Variants in RBFOX1 observed in about 807,000 individuals in gnomAD.
RBFOX1 encodes the protein RNA binding protein fox-1 homolog 1.
A neutral mutation model predicts 57.7 loss-of-function variants in RBFOX1; 8 were observed. The ratio of observed to expected loss-of-function variants is 0.14; its 90% CI spans 0.08 to 0.25. The LOEUF (loss-of-function observed/expected upper bound fraction) is 0.25. RBFOX1 is among the 10% of genes least tolerant of loss of function. The probability of loss-of-function intolerance (pLI) is 1.00; values close to 1 mark genes in which losing one functional copy is unlikely to be tolerated. For missense variants in RBFOX1, 611 were observed against 548.5 expected (o/e 1.11, Z -1.14); for synonymous variants, 326 against 222.4 (o/e 1.47, Z -4.15).
At chr16:7,255,121 C>G (rs947400711) in intron 4 of RBFOX1, among the ~76,000 whole-genome samples, 2 of 151,978 alleles carry the variant, frequency 1.3e-5, no homozygotes, top group Admixed American at 1.3e-4. Flanking sequence ...CAAAAATAAC[C>G]CCATCTCCGA....
Position 7,029,077 on chromosome 16 carries a change from TATATACACACACAC to T in RBFOX1, c.-15-22978_-15-22965del, listed in dbSNP as rs1325097232. 2.0e-3 allele frequency among the ~76,000 whole-genome samples: 89 copies of T among 44,558 alleles called. 11 individuals carry two copies. The African/African-American group carries it at 0.022, about 11-fold the overall frequency. 29.2% of individuals were successfully genotyped at this position (44,558 alleles called of 152,430 possible). On this transcript the variant is annotated intron_variant, in intron 3 of 15. Coordinates refer to ENST00000550418, the MANE Select transcript of RBFOX1 (RefSeq NM_018723.4). ...ATATATATATATATATATATATATA[TATATACACACACAC>T]ACACACACACACACACACACACACA...
intron 4 of RBFOX1, among the ~76,000 whole-genome samples, chr16:7,361,184 A>G (rs1235036488): frequency 6.6e-6 from 1 of 152,020 alleles, no homozygotes; most frequent in Non-Finnish European, 1.5e-5. Context: ...CTGGGTATGA[A>G]CCTGCTCAGT....
chr16:6,199,107 T>C (rs2097199093), intron 1 of RBFOX1, among the ~76,000 whole-genome samples: 1 of 152,150 alleles, frequency 6.6e-6, no homozygotes, highest in Non-Finnish European at 1.5e-5. Context: ...TTCCATTTTC[T>C]TATTGAAAAA....
chr16:7,349,953 C>G (rs1173384535), intron 4 of RBFOX1, among the ~76,000 whole-genome samples: 1 of 152,108 alleles, frequency 6.6e-6, no homozygotes, highest in African/African-American at 2.4e-5. Context: ...TCGAGACCAG[C>G]CTGGGCAACA....
chr16:6,942,137 G>T (rs562593497), intron 3 of RBFOX1, among the ~76,000 whole-genome samples: 10 of 152,148 alleles, frequency 6.6e-5, no homozygotes, highest in Non-Finnish European at 1.3e-4. Flanking sequence ...TACTTGGGAG[G>T]CTGAGGCAGG....
At chr16:6,289,563 C>T (rs1193774223) in intron 1 of RBFOX1, among the ~76,000 whole-genome samples, 1 of 152,104 alleles carries the variant, frequency 6.6e-6, no homozygotes, top group Non-Finnish European at 1.5e-5. Flanking sequence ...GAAGACTGTT[C>T]TCTTATGCCC....
chr16:5,489,024 A>C (rs759378542), intron 2 of RBFOX1, among the ~76,000 whole-genome samples: 20 of 152,214 alleles, frequency 1.3e-4, no homozygotes, highest in Non-Finnish European at 2.5e-4. Flanking sequence ...CTGCATTTTC[A>C]TACATAAGAA....
At chr16:6,967,142 C>T (rs2084435962) in intron 3 of RBFOX1, among the ~76,000 whole-genome samples, 1 of 152,062 alleles carries the variant, frequency 6.6e-6, no homozygotes, top group Admixed American at 6.6e-5. Flanking sequence ...AAACATTCAT[C>T]CATTCATCAT....
At chr16:5,256,603 G>A (rs1174763232) in intron 1 of RBFOX1, among the ~76,000 whole-genome samples, 1 of 152,104 alleles carries the variant, frequency 6.6e-6, no homozygotes, top group African/African-American at 2.4e-5. Flanking sequence ...TTCCTAATCT[G>A]TGAAATCATA....
At chr16:5,998,576 C>A (rs564718279) in intron 4 of RBFOX1, among the ~76,000 whole-genome samples, 5 of 152,196 alleles carry the variant, frequency 3.3e-5, no homozygotes, top group African/African-American at 9.6e-5. Flanking sequence ...TAAAATGGAT[C>A]AAAGCTGAGG....
chr16:7,531,512 C>G (rs758605423), intron 5 of RBFOX1, among the ~76,000 whole-genome samples: 1 of 152,140 alleles, frequency 6.6e-6, no homozygotes, highest in African/African-American at 2.4e-5. Context: ...GGTCACAAGG[C>G]TGATAAGGGC....
Position 7,129,385 on chromosome 16 carries a change from G to A in RBFOX1, c.27+77287G>A, listed in dbSNP as rs148797257. 5.1e-3 allele frequency among the ~76,000 whole-genome samples: 781 copies of A among 152,182 alleles called. 7 individuals are homozygous for A. Among genetic ancestry groups the A allele is most frequent in the African/African-American group, 0.018 (747 of 41,524 alleles). ...TACCTAAACCATGGGTACTGGAAGT[G>A]GCATAGGAACAGTAGCTCAAAGGAA... On this transcript the variant is annotated intron_variant, in intron 4 of 15. Coordinates refer to ENST00000550418, the MANE Select transcript of RBFOX1 (RefSeq NM_018723.4).
At chr16:7,210,214 C>G (rs1178221512) in intron 4 of RBFOX1, among the ~76,000 whole-genome samples, 2 of 152,156 alleles carry the variant, frequency 1.3e-5, no homozygotes, top group African/African-American at 2.4e-5. Context: ...TAGGATACTT[C>G]TATAGGTTAA....
intron 1 of RBFOX1, among the ~76,000 whole-genome samples, chr16:6,146,884 G>C (rs2096762525): frequency 6.6e-6 from 1 of 152,154 alleles, no homozygotes; most frequent in Non-Finnish European, 1.5e-5. Flanking sequence ...GTATCTGAGA[G>C]GCATCAAGAA....
chr16:5,969,415 G>C (rs528611071), intron 4 of RBFOX1, among the ~76,000 whole-genome samples: 1 of 144,356 alleles, frequency 6.9e-6, no homozygotes, highest in Non-Finnish European at 1.5e-5. Flanking sequence ...GGGTTCAAGC[G>C]ATTCTCCTGC....
chr16:7,419,268 C>G (rs1370103467), intron 4 of RBFOX1, among the ~76,000 whole-genome samples: 1 of 152,078 alleles, frequency 6.6e-6, no homozygotes, highest in Non-Finnish European at 1.5e-5. Context: ...CTGCCTTGTC[C>G]CTTTACCTGT....
intron 2 of RBFOX1, among the ~76,000 whole-genome samples, chr16:5,537,735 A>G (rs534223144): frequency 8.2e-4 from 125 of 152,320 alleles, no homozygotes; most frequent in African/African-American, 2.9e-3. Flanking sequence ...GACTTTTCTC[A>G]GACCCAGTTG....
At chr16:6,718,178 C>G (rs897050288) in intron 3 of RBFOX1, among the ~76,000 whole-genome samples, 3 of 152,168 alleles carry the variant, frequency 2.0e-5, no homozygotes, top group African/African-American at 7.2e-5. Flanking sequence ...CTTCCATTGT[C>G]TCATCAGTAG....
intron 2 of RBFOX1, among the ~76,000 whole-genome samples, chr16:5,525,970 A>C (rs1331000066): frequency 6.6e-6 from 1 of 150,934 alleles, no homozygotes; most frequent in Non-Finnish European, 1.5e-5. Context: ...GCATGGCTTC[A>C]GGGAGAGGGG....
Sources: gnomAD v4.1 joint callset for allele counts (sites outside exome capture counted in the v4.1 genomes callset) on GRCh38, gnomAD v4.1.1 for gene constraint, MANE v1.5 for transcripts, NCBI Gene and HGNC (gene_info 2026-07-23, HGNC 2026-07-21) for gene names.